The following RHCE variants were observed in gnomAD, a reference collection of about 807,000 sequenced individuals.
The protein encoded by RHCE is Rh blood group CcEe antigens, also known as blood group Rh(CE) polypeptide.
A neutral mutation model predicts 43.8 loss-of-function variants in RHCE; 22 were observed. The observed-to-expected ratio is 0.50, with a 90% CI of 0.36 to 0.72. The LOEUF is 0.72. Among genes scored for constraint, RHCE ranks in the 30% least tolerant of loss-of-function variants. The pLI is 0.00. For missense variants in RHCE, 385 were observed against 525.4 expected (o/e 0.73, Z 2.61); for synonymous variants, 156 against 210.7 (o/e 0.74, Z 2.25).
At chr1:25,428,328 G>A (rs1250770256) in intron 2 of RHCE, among the ~76,000 whole-genome samples, 1 of 152,142 alleles carries the variant, frequency 6.6e-6, no homozygotes, top group Admixed American at 6.5e-5. Context: ...CTGTTCCTGC[G>A]CTCCCCAACG....
upstream of RHCE, among the ~76,000 whole-genome samples, chr1:25,422,974 C>T (rs2042778553): frequency 6.6e-6 from 1 of 152,154 alleles, no homozygotes; most frequent in Non-Finnish European, 1.5e-5. Context: ...TGCTCGCTGG[C>T]CTACCCCTCA....
At chr1:25,369,686 G>C (rs1645545249) in intron 9 of RHCE, among the ~76,000 whole-genome samples, 1 of 150,042 alleles carries the variant, frequency 6.7e-6, no homozygotes, top group South Asian at 2.1e-4. Flanking sequence ...CATTTATCAA[G>C]AGCTGTGTTC....
upstream of RHCE, among the ~76,000 whole-genome samples, chr1:25,423,070 TA>T (rs1263665984): frequency 1.3e-5 from 2 of 152,054 alleles, no homozygotes; most frequent in Non-Finnish European, 2.9e-5. Flanking sequence ...CTTCCAATTC[TA>T]AAAGTCTAGG....
chr1:25,427,824 A>C (rs2042816937), intron 2 of RHCE, among the ~76,000 whole-genome samples: 1 of 152,222 alleles, frequency 6.6e-6, no homozygotes, highest in Admixed American at 6.5e-5. Flanking sequence ...TGTAAAATGG[A>C]GCTAGCACAA....
In RHCE at chr1:25,389,026, G is replaced by C. The variant is rs1186775877; in HGVS notation, c.889C>G (p.Leu297Val). 6.2e-7 allele frequency: 1 copy of C among 1,614,248 alleles called. No homozygotes were observed. Among genetic ancestry groups the C allele is most frequent in the East Asian group, 2.2e-5 (1 of 44,886 alleles). Residue 297 changes from leucine (L) to valine (V), a missense_variant, in exon 6 of 10, where the codon CTG becomes GTG. Physicochemically the swap from Leu to Val is conservative, Grantham distance 32. Transcript: ENST00000294413. ...LIPSPWLAMV[L>V]GLVAGLISIG... ...GAGATCAGCCCAGCCACAAGACCCA[G>C]CACCATGGCAAGCCACGGAGAAGGG...
intron 7 of RHCE, among the ~76,000 whole-genome samples, chr1:25,382,252 C>T (rs1175591417): frequency 6.7e-6 from 1 of 148,222 alleles, no homozygotes. Flanking sequence ...TTGGGGGACA[C>T]ATTCAAACCA....
chr1:25,393,055 G>C (rs56103923), intron 3 of RHCE, among the ~76,000 whole-genome samples: 1 of 152,200 alleles, frequency 6.6e-6, no homozygotes, highest in Non-Finnish European at 1.5e-5. Context: ...GGAGATTCTA[G>C]ATATATTCTA....
intron 1 of RHCE, among the ~76,000 whole-genome samples, chr1:25,418,591 C>T (rs1299269029): frequency 8.5e-5 from 13 of 152,254 alleles, no homozygotes; most frequent in Admixed American, 7.9e-4. Context: ...GTGTCAGCTA[C>T]CTCGCCCAGC....
chr1:25,391,247 C>T (rs112938718), intron 4 of RHCE, among the ~76,000 whole-genome samples: 2,894 of 152,086 alleles, frequency 0.019, 96 homozygotes, highest in African/African-American at 0.067. Context: ...TGCAGTGGCG[C>T]GATCTTGGCT....
chr1:25,371,370 G>A (rs1040653127), intron 8 of RHCE, among the ~76,000 whole-genome samples: 2 of 151,160 alleles, frequency 1.3e-5, no homozygotes, highest in Admixed American at 1.3e-4. Context: ...AAGTGTCTTT[G>A]ATTTTATTTT....
Position 25,380,323 on chromosome 1 carries a change from C to T in RHCE, c.1074-4895G>A, listed in dbSNP as rs552507181. ...TCCTGGACACACTATGGAATTTGGACCCCCGAAGCTTCGGGGAGCTCTGCC... is the reference window on the plus strand; with the variant it reads ...TCCTGGACACACTATGGAATTTGGATCCCCGAAGCTTCGGGGAGCTCTGCC... On this transcript the variant is annotated intron_variant, in intron 7 of 9. Transcript: ENST00000294413. Among the ~76,000 whole-genome samples the T allele has an allele frequency of 5.6e-3, 761 of 136,432 alleles. 8 individuals carry two copies. Among genetic ancestry groups the T allele is most frequent in the African/African-American group, 0.023 (728 of 31,706 alleles). The allele number at this position is 136,432 out of a possible 152,430, so 89.5% of individuals were successfully genotyped here.
intron 7 of RHCE, among the ~76,000 whole-genome samples, chr1:25,381,395 C>T (rs1051156466): frequency 1.3e-5 from 2 of 151,578 alleles, no homozygotes; most frequent in African/African-American, 4.8e-5. Flanking sequence ...GTTCTGGGGT[C>T]TTCTTTTAAG....
intron 3 of RHCE, among the ~76,000 whole-genome samples, chr1:25,401,414 T>C: frequency 6.6e-6 from 1 of 152,124 alleles, no homozygotes; most frequent in Non-Finnish European, 1.5e-5. Context: ...GGTTCTCGCT[T>C]GGGTTCTGCC....
At chr1:25,389,169 T>C (rs1646277169) in intron 5 of RHCE, 56 bp from the exon 6 acceptor site, 18 of 1,554,734 alleles carry the variant, frequency 1.2e-5, no homozygotes, top group Non-Finnish European at 1.6e-5. Flanking sequence ...AACACCATCT[T>C]GCTGCAAGTG....
intron 6 of RHCE, among the ~76,000 whole-genome samples, chr1:25,386,901 G>C (rs1456554558): frequency 6.6e-6 from 1 of 151,164 alleles, no homozygotes; most frequent in Non-Finnish European, 1.5e-5. Context: ...CATGGTGGTG[G>C]GCACCTGTAA....
At chr1:25,386,277 G>A (rs963097583) in intron 6 of RHCE, among the ~76,000 whole-genome samples, 22 of 152,156 alleles carry the variant, frequency 1.4e-4, no homozygotes, top group Non-Finnish European at 3.1e-4. Flanking sequence ...AACCAAGAAC[G>A]CCTCCAGACA....
At chr1:25,426,363 C>T (rs560590239) in intron 2 of RHCE, among the ~76,000 whole-genome samples, 1 of 152,170 alleles carries the variant, frequency 6.6e-6, no homozygotes, top group East Asian at 1.9e-4. Context: ...TGGTAACTTG[C>T]TATTTTCATG....
intron 2 of RHCE, among the ~76,000 whole-genome samples, chr1:25,426,954 G>A (rs1266652391): frequency 6.6e-6 from 1 of 152,150 alleles, no homozygotes; most frequent in African/African-American, 2.4e-5. Context: ...CTACTCTGGA[G>A]GCTGAGGCAG....
intron 2 of RHCE, among the ~76,000 whole-genome samples, chr1:25,403,758 C>A (rs1646827763): frequency 6.6e-6 from 1 of 151,490 alleles, no homozygotes; most frequent in Non-Finnish European, 1.5e-5. Flanking sequence ...GAGACTCCCT[C>A]CTCCCTCTGG....
Sources: allele counts gnomAD v4.1 joint callset (sites outside exome capture counted in the v4.1 genomes callset), GRCh38; gene constraint gnomAD v4.1.1; transcripts MANE v1.5; gene names NCBI Gene and HGNC (gene_info 2026-07-23, HGNC 2026-07-21).